The following CSGALNACT1 variants were observed in gnomAD, a reference collection of about 807,000 sequenced individuals.
CSGALNACT1 encodes the protein chondroitin sulfate N-acetylgalactosaminyltransferase 1.
Under a neutral mutation model 51.0 loss-of-function variants are expected in CSGALNACT1, and 52 were observed. The observed-to-expected ratio is 1.02, with a 90% CI of 0.82 to 1.29. CSGALNACT1 has a LOEUF of 1.29. CSGALNACT1 is among the 50% of genes most tolerant of loss of function. The pLI, the probability that CSGALNACT1 is intolerant of heterozygous loss-of-function variation, is 0.00. For synonymous variants in CSGALNACT1, 341 were observed against 254.4 expected (o/e 1.34, Z -3.24); for missense variants, 935 against 679.2 (o/e 1.38, Z -4.19).
intron 1 of CSGALNACT1, among the ~76,000 whole-genome samples, chr8:19,728,175 G>T (rs538465427): frequency 2.0e-5 from 3 of 152,086 alleles, no homozygotes; most frequent in African/African-American, 7.2e-5. Context: ...GTAAAATCTC[G>T]TAGGGTTGTT....
chr8:19,541,935 A>G (rs2085277410), intron 3 of CSGALNACT1, among the ~76,000 whole-genome samples: 1 of 152,082 alleles, frequency 6.6e-6, no homozygotes, highest in Admixed American at 6.6e-5. Flanking sequence ...TTTGAATCTC[A>G]TAACATTTCA....
intron 4 of CSGALNACT1, among the ~76,000 whole-genome samples, chr8:19,475,846 C>T (rs892140789): frequency 1.3e-5 from 2 of 152,146 alleles, no homozygotes; most frequent in Non-Finnish European, 2.9e-5. Flanking sequence ...GACAGCCTGG[C>T]ACGTGAGAAA....
chr8:19,583,790 C>A (rs1018696806), intron 3 of CSGALNACT1, among the ~76,000 whole-genome samples: 1 of 152,168 alleles, frequency 6.6e-6, no homozygotes. Flanking sequence ...GGGGTTGGAA[C>A]TGCCAACAAA....
intron 1 of CSGALNACT1, among the ~76,000 whole-genome samples, chr8:19,634,812 C>G (rs925197811): frequency 1.3e-5 from 2 of 152,208 alleles, no homozygotes; most frequent in African/African-American, 2.4e-5. Context: ...CTTCCAGCCT[C>G]TAGACCTATG....
intron 6 of CSGALNACT1, among the ~76,000 whole-genome samples, chr8:19,437,335 G>C (rs1262584055): frequency 1.3e-5 from 2 of 152,142 alleles, no homozygotes; most frequent in South Asian, 2.1e-4. Context: ...TCCCAGTTTG[G>C]CTAGGGAGCA....
At chr8:19,684,893 T>A (rs2060886508), upstream of CSGALNACT1, among the ~76,000 whole-genome samples, 1 of 152,252 alleles carries the variant, frequency 6.6e-6, no homozygotes, top group Admixed American at 6.5e-5. Context: ...ATCCATGTTG[T>A]ATGCTTTCTT....
At chr8:19,603,828 T>G (rs2050946531), upstream of CSGALNACT1, among the ~76,000 whole-genome samples, 1 of 152,222 alleles carries the variant, frequency 6.6e-6, no homozygotes, top group African/African-American at 2.4e-5. Context: ...ACACTTGTTT[T>G]AACAATGAAA....
At chr8:19,707,303 A>C (rs550878961) in intron 1 of CSGALNACT1, among the ~76,000 whole-genome samples, 134 of 152,318 alleles carry the variant, frequency 8.8e-4, no homozygotes, top group African/African-American at 3.1e-3. Context: ...ACAACTTTTA[A>C]ATCTCAATTA....
At chr8:19,479,805 TGCCTGTCTTC>T (rs1362455117) in intron 4 of CSGALNACT1, among the ~76,000 whole-genome samples, 1 of 30,844 alleles carries the variant, frequency 3.2e-5, no homozygotes, top group Non-Finnish European at 6.9e-5. Context: ...ATCACACTAA[TGCCTGTCTTC>T]AGGAAAGAAC....
chr8:19,502,717 T>C (rs759710383), intron 4 of CSGALNACT1, among the ~76,000 whole-genome samples: 3 of 152,168 alleles, frequency 2.0e-5, no homozygotes, highest in Non-Finnish European at 2.9e-5. Context: ...AATTTCACCC[T>C]TATAAAATCC....
At chr8:19,444,909 G>A (rs1454232611) in intron 5 of CSGALNACT1, among the ~76,000 whole-genome samples, 1 of 152,222 alleles carries the variant, frequency 6.6e-6, no homozygotes, top group African/African-American at 2.4e-5. Flanking sequence ...AGGTAAGAAA[G>A]AAGAGAATTC....
chr8:19,408,267 A>G (rs2153664117), intron 9 of CSGALNACT1, among the ~76,000 whole-genome samples: 1 of 152,116 alleles, frequency 6.6e-6, no homozygotes, highest in South Asian at 2.1e-4. Context: ...GCCACCTACT[A>G]CCAGGCCCCC....
chr8:19,566,428 C>A (rs896921500), intron 3 of CSGALNACT1, among the ~76,000 whole-genome samples: 4 of 151,950 alleles, frequency 2.6e-5, no homozygotes, highest in Admixed American at 6.6e-5. Flanking sequence ...TTGTTAAAAC[C>A]ATAAGGTTAA....
In CSGALNACT1 at chr8:19,405,917, C is replaced by CG; in HGVS notation, c.1461dup (p.Glu488ArgfsTer42). On this transcript the variant is annotated frameshift_variant, in exon 10 of 10. Transcript: ENST00000454498. LOFTEE classifies it high-confidence loss of function. ...GACTGCATGCACATCTTGTACTGCT[C>CG]GGGGGTCAGCTCGTCCATGCAGCGC... The CG allele has an allele frequency of 6.2e-7, 1 of 1,614,060 alleles. No individual in the cohort carries two copies. The highest frequency in any genetic ancestry group is 1.3e-5 in the African/African-American group (1 of 74,990).
chr8:19,501,276 G>C (rs1205464454), intron 4 of CSGALNACT1, among the ~76,000 whole-genome samples: 1 of 151,004 alleles, frequency 6.6e-6, no homozygotes, highest in Non-Finnish European at 1.5e-5. Context: ...AAAAGAATAA[G>C]GGCAAGCTAG....
At chr8:19,662,645 T>C (rs558759852) in intron 1 of CSGALNACT1, among the ~76,000 whole-genome samples, 2 of 152,288 alleles carry the variant, frequency 1.3e-5, no homozygotes, top group African/African-American at 4.8e-5. Flanking sequence ...AATCCTGAAG[T>C]GAAACATCTG....
chr8:19,467,848 T>C (rs7824411), intron 4 of CSGALNACT1, among the ~76,000 whole-genome samples: 25,892 of 152,112 alleles, frequency 0.17, 2,472 homozygotes, highest in African/African-American at 0.24. Flanking sequence ...TAGCCAGGCA[T>C]GGTTGTATGC....
intron 1 of CSGALNACT1, among the ~76,000 whole-genome samples, chr8:19,671,199 A>C (rs1214907949): frequency 6.6e-6 from 1 of 152,122 alleles, no homozygotes; most frequent in Non-Finnish European, 1.5e-5. Flanking sequence ...CAGGCTCAAA[A>C]CCCAGCAGTC....
intron 1 of CSGALNACT1, among the ~76,000 whole-genome samples, chr8:19,614,274 C>T (rs1457714727): frequency 2.0e-5 from 3 of 152,138 alleles, no homozygotes; most frequent in African/African-American, 4.8e-5. Context: ...AACTGAGACT[C>T]GAAAGGCTAA....
Sources: gnomAD v4.1 joint callset for allele counts (sites outside exome capture counted in the v4.1 genomes callset) on GRCh38, gnomAD v4.1.1 for gene constraint, MANE v1.5 for transcripts, NCBI Gene and HGNC (gene_info 2026-07-23, HGNC 2026-07-21) for gene names.